The following ZNF207 variants were observed in gnomAD, a reference collection of about 807,000 sequenced individuals.
ZNF207 encodes BUB3-interacting and GLEBS motif-containing protein ZNF207.
In ZNF207, 24 loss-of-function variants were observed where a neutral mutation model predicts 60.2. The ratio of observed to expected loss-of-function variants is 0.40; its 90% CI spans 0.29 to 0.56. The LOEUF (loss-of-function observed/expected upper bound fraction) is 0.56, where lower values mean the gene tolerates loss of function less well. Ranked by LOEUF, ZNF207 falls within the 20% of genes least tolerant of loss-of-function variation. ZNF207 has a pLI of 0.49. For missense variants in ZNF207, 452 were observed against 636.6 expected (o/e 0.71, Z 3.12); for synonymous variants, 236 against 194.7 (o/e 1.21, Z -1.77).
Position 32,369,879 on chromosome 17 carries a change from A to G in ZNF207, c.*120A>G, listed in dbSNP as rs1295678667. On this transcript the variant is annotated 3_prime_UTR_variant, in exon 12 of 12. Coordinates refer to ENST00000394670, the MANE Select transcript of ZNF207 (RefSeq NM_001098507.2). The stretch of plus-strand genomic sequence containing the variant: ...TGACTTTAACAAACATTATCTTCCC[A>G]CATACCAGGAACTATTGGACATTTA... 1 of 1,091,438 alleles carries G rather than the reference A, an allele frequency of 9.2e-7. No homozygotes were observed. Among genetic ancestry groups the G allele is most frequent in the Non-Finnish European group, 1.2e-6 (1 of 833,480 alleles). The allele number at this position is 1,091,438 out of a possible 1,614,324, so 67.6% of individuals were successfully genotyped here.
intron 4 of ZNF207, 38 bp from the exon 5 acceptor site, chr17:32,360,854 A>G: frequency 1.9e-6 from 3 of 1,613,100 alleles, no homozygotes; most frequent in Non-Finnish European, 2.5e-6. Flanking sequence ...TAACTCTTTA[A>G]TATTTGTTAT....
rs1162798840 is a variant in ZNF207, at chr17:32,365,454, A to G, written c.795A>G (p.Pro265=). ...PTATVPAPQP[P]VTKPLFPSAG... ...CAACTGTACCTGCCCCACAGCCTCC[A>G]GTTACTAAGCCTCTTTTCCCCAGTG... Residue 265 remains proline, a synonymous_variant, in exon 8 of 12, where the codon CCA becomes CCG. Transcript: ENST00000394670. 1.2e-6 allele frequency: 2 copies of G among 1,614,184 alleles called. No individual in the cohort carries two copies. The highest frequency in any genetic ancestry group is 1.7e-6 in the Non-Finnish European group (2 of 1,180,034).
intron 2 of ZNF207, among the ~76,000 whole-genome samples, chr17:32,355,995 T>C (rs1232285413): frequency 6.6e-6 from 1 of 152,012 alleles, no homozygotes; most frequent in Non-Finnish European, 1.5e-5. Flanking sequence ...AGAAGTGGAG[T>C]GGAAGCTTCA....
At position 32,351,902 on chromosome 17, in the gene ZNF207, A is replaced by G; in HGVS notation, c.158A>G (p.His53Arg). The part of the protein sequence containing the change: ...KLYTGPGLAI[H>R]CMQVHKETID... ...TATACAGGACCTGGCTTAGCTATTCATTGCATGCAGGTAAGGATTTTTCTT... is the reference window on the plus strand; with the variant it reads ...TATACAGGACCTGGCTTAGCTATTCGTTGCATGCAGGTAAGGATTTTTCTT... Residue 53 changes from histidine (H) to arginine (R), a missense_variant, in exon 2 of 12, where the codon CAT (histidine) becomes CGT (arginine). Physicochemically the swap from His to Arg is conservative, Grantham distance 29 (BLOSUM62 0). Around this residue, in one of 2 missense-constraint regions of ZNF207, gnomAD observed 62 missense variants for 175.3 expected, o/e 0.35. Coordinates refer to ENST00000394670, the MANE Select transcript of ZNF207 (RefSeq NM_001098507.2). 6.4e-7 allele frequency: 1 copy of G among 1,560,062 alleles called. No individual in the cohort carries two copies. Among genetic ancestry groups the G allele is most frequent in the Non-Finnish European group, 8.7e-7 (1 of 1,151,294 alleles).
intron 2 of ZNF207, among the ~76,000 whole-genome samples, chr17:32,357,641 C>T (rs1269692673): frequency 6.6e-6 from 1 of 151,646 alleles, no homozygotes; most frequent in Non-Finnish European, 1.5e-5. Context: ...GCCGCCCCAC[C>T]TGACTTTTTA....
At chr17:32,367,242 TATATATATATATATA>T in intron 9 of ZNF207, among the ~76,000 whole-genome samples, 1 of 43,870 alleles carries the variant, frequency 2.3e-5, no homozygotes, top group South Asian at 7.8e-4. Context: ...GAGGGGATTA[TATATATATATATATA>T]TATATATATA....
chr17:32,368,744 C>G (rs998285374), intron 10 of ZNF207: 2 of 153,070 alleles, frequency 1.3e-5, no homozygotes, highest in African/African-American at 4.9e-5. Context: ...GTGGCTCACA[C>G]CGGTAATCCC....
intron 6 of ZNF207, 122 bp from the exon 7 acceptor site, chr17:32,362,792 T>G (rs1469492716): frequency 1.5e-6 from 1 of 645,274 alleles, no homozygotes; most frequent in African/African-American, 1.8e-5. Context: ...TTGATTCATT[T>G]CAGTATTAGA....
chr17:32,357,350 TA>T (rs1458632723), intron 2 of ZNF207, among the ~76,000 whole-genome samples: 1,103 of 53,796 alleles, frequency 0.021, 25 homozygotes, highest in South Asian at 0.052. Context: ...TTATTATTAT[TA>T]TTTTTTTTTT....
chr17:32,366,718 G>C lies in ZNF207; in HGVS notation c.882G>C (p.Leu294=), dbSNP rs112047897. Residue 294 remains leucine, a synonymous_variant, in exon 9 of 12, where the codon CTG becomes CTC. Transcript: ENST00000394670. ...SSTASSNSES[L]SASSKALFPS... ...CAGCTTCATCCAATTCAGAAAGTCTGTCTGCATCTTCTAAAGCTCTGTTTC... is the reference window on the plus strand; with the variant it reads ...CAGCTTCATCCAATTCAGAAAGTCTCTCTGCATCTTCTAAAGCTCTGTTTC... 7.4e-6 allele frequency: 12 copies of C among 1,611,668 alleles called. No homozygotes were observed. In the East Asian group the frequency reaches 9.0e-5, roughly 12 times the overall value.
chr17:32,362,143 T>A (rs868164816), intron 6 of ZNF207, among the ~76,000 whole-genome samples: 327 of 151,340 alleles, frequency 2.2e-3, no homozygotes, highest in African/African-American at 6.9e-3. Context: ...TGTGTGTGTG[T>A]GTGTGTGTGT....
Position 32,376,563 on chromosome 17 carries a change from C to G in ZNF207, c.*6804C>G, listed in dbSNP as rs1021921717. 6 of 151,898 alleles carry G rather than the reference C, an allele frequency of 4.0e-5. No individual in the cohort carries two copies. Among genetic ancestry groups the G allele is most frequent in the African/African-American group, 1.5e-4 (6 of 41,370 alleles). 9.4% of individuals were successfully genotyped at this position (151,898 alleles called of 1,614,324 possible). A position where few individuals can be genotyped will look rare whatever the true frequency, so the allele number is the denominator to read the frequency against. ...GGGAAAATGTCTTTATTTTACTAAG[C>G]GGAAGTAGTAGTCATATTGAGGCAG... On this transcript the variant is annotated 3_prime_UTR_variant, in exon 12 of 12. Transcript: ENST00000394670.
Position 32,380,390 on chromosome 17 carries a change from T to G in ZNF207, c.*10631T>G, listed in dbSNP as rs1905836300. 1.3e-5 allele frequency: 2 copies of G among 152,266 alleles called. No homozygotes were observed. The highest frequency in any genetic ancestry group is 1.3e-4 in the Admixed American group (2 of 15,288). The allele number at this position is 152,266 out of a possible 1,614,324, so 9.4% of individuals were successfully genotyped here. A position where few individuals can be genotyped will look rare whatever the true frequency, so the allele number is the denominator to read the frequency against. ...CATACCTTACTCCTTTGTCTGGTTT[T>G]TTTATTTTGTATGGTGCTTTAAATA... On this transcript the variant is annotated 3_prime_UTR_variant, in exon 12 of 12. Coordinates refer to ENST00000394670, the MANE Select transcript of ZNF207 (RefSeq NM_001098507.2).
chr17:32,354,880 C>T (rs8075098), intron 2 of ZNF207, among the ~76,000 whole-genome samples: 25,769 of 152,166 alleles, frequency 0.17, 2,645 homozygotes, highest in African/African-American at 0.28. Context: ...TCCCAAAGTG[C>T]TGGGATTACA....
rs1214107467 is a variant in ZNF207 at position 32,374,571 on chromosome 17, C to A, written c.*4812C>A. 1 of 152,110 alleles carries A rather than the reference C, an allele frequency of 6.6e-6. No individual in the cohort carries two copies. The highest frequency in any genetic ancestry group is 1.5e-5 in the Non-Finnish European group (1 of 68,010). 9.4% of individuals were successfully genotyped at this position (152,110 alleles called of 1,614,324 possible). ...GCATTGAATGTTAAGGCTAAAAGGT[C>A]ATCTGGAAATGCTTAATTTTAAAAT... On this transcript the variant is annotated 3_prime_UTR_variant, in exon 12 of 12. Coordinates refer to ENST00000394670, the MANE Select transcript of ZNF207 (RefSeq NM_001098507.2).
intron 3 of ZNF207, 46 bp from the exon 4 acceptor site, chr17:32,360,552 C>G: frequency 6.6e-7 from 1 of 1,520,862 alleles, no homozygotes; most frequent in Non-Finnish European, 8.8e-7. Flanking sequence ...TGTAAATAAA[C>G]TTTCTTAGTT....
chr17:32,353,721 A>T (rs1904328275), intron 2 of ZNF207, among the ~76,000 whole-genome samples: 1 of 149,282 alleles, frequency 6.7e-6, no homozygotes, highest in Non-Finnish European at 1.5e-5. Context: ...GTGCTGAGAC[A>T]GGAGAATCAC....
At chr17:32,360,997 G>C in intron 5 of ZNF207, 30 bp downstream of exon 5, 1 of 1,602,072 alleles carries the variant, frequency 6.2e-7, no homozygotes, top group Non-Finnish European at 8.5e-7. Flanking sequence ...TGCCCTGTAG[G>C]CTTGTGCCTA....
chr17:32,373,102 T>C lies in ZNF207; in HGVS notation c.*3343T>C. The C allele has an allele frequency of 3.8e-6, 1 of 261,276 alleles. No homozygotes were observed. Among genetic ancestry groups the C allele is most frequent in the Non-Finnish European group, 7.2e-6 (1 of 139,762 alleles). 16.2% of individuals were successfully genotyped at this position (261,276 alleles called of 1,614,324 possible). ...ATTTGAATACTTAGTATTTTAGTAG[T>C]GTCTCACACATTTGCCATTAGGTAT... is the stretch of plus-strand genomic sequence containing the variant. On this transcript the variant is annotated 3_prime_UTR_variant, in exon 12 of 12. Transcript: ENST00000394670.
Sources: gnomAD v4.1 joint callset for allele counts (sites outside exome capture counted in the v4.1 genomes callset) on GRCh38, gnomAD v4.1.1 for gene constraint, gnomAD v4.1.1 regional missense constraint, MANE v1.5 for transcripts, NCBI Gene and HGNC (gene_info 2026-07-23, HGNC 2026-07-21) for gene names.